PRR12: variants seen among roughly 807,000 people sequenced by gnomAD.
PRR12 encodes proline rich 12, also known as proline-rich protein 12.
A neutral mutation model predicts 138.0 loss-of-function variants in PRR12; 12 were observed. The observed-to-expected ratio is 0.09, with a 90% CI of 0.06 to 0.14. The LOEUF (loss-of-function observed/expected upper bound fraction) is 0.14, where lower values mean the gene tolerates loss of function less well. PRR12 is among the 10% of genes least tolerant of loss of function. The pLI is 1.00. For synonymous variants in PRR12, 1,567 were observed against 1,291.7 expected, an observed-to-expected ratio of 1.21 and a Z score of -4.57; for missense variants, 2,692 against 2,861.3, an observed-to-expected ratio of 0.94 and a Z score of 1.35.
At chr19:49,604,235 G>C (rs2080826981) in intron 6 of PRR12, among the ~76,000 whole-genome samples, 2 of 151,836 alleles carry the variant, frequency 1.3e-5, no homozygotes, top group African/African-American at 4.8e-5. Flanking sequence ...GGGAGTGGTG[G>C]CTCACACCTG....
chr19:49,596,985 C>A lies in PRR12; in HGVS notation c.2650C>A (p.Leu884Ile). Residue 884 changes from leucine to isoleucine, a missense_variant, in exon 4 of 14, where the codon CTC becomes ATC. Physicochemically the swap from Leu to Ile is conservative, Grantham distance 5. This residue lies in a region of PRR12 where 840 missense variants were observed against 689.8 expected (regional missense o/e 1.22). Transcript: ENST00000418929. This position sits in a 1 kb window ranked among gnomAD's most constrained non-coding sequence, Gnocchi z 5.6. Reference sequence around the variant, plus strand: ...TCCGCCAGGCGCCATGCAGGAATTGCTCGGGGCTCTGGAGCCGCTGCCCCC... The same window carrying A: ...TCCGCCAGGCGCCATGCAGGAATTGATCGGGGCTCTGGAGCCGCTGCCCCC... ...LDPPGAMQEL[L>I]GALEPLPPAP... is the part of the protein sequence containing the mutation. 1 of 1,557,736 alleles carries A rather than the reference C, an allele frequency of 6.4e-7. No individual in the cohort carries two copies. Among genetic ancestry groups the A allele is most frequent in the Non-Finnish European group, 8.7e-7 (1 of 1,155,022 alleles).
At chr19:49,602,008 C>T (rs2080814789) in intron 6 of PRR12, 90 bp downstream of exon 6, 1 of 1,473,758 alleles carries the variant, frequency 6.8e-7, no homozygotes, top group Middle Eastern at 2.4e-4. Context: ...TGTGCTGAGA[C>T]CTGCAGATCC....
intron 5 of PRR12, among the ~76,000 whole-genome samples, chr19:49,600,209 G>T (rs577051778): frequency 6.6e-6 from 1 of 152,230 alleles, no homozygotes; most frequent in Admixed American, 6.5e-5. Context: ...AAGTTACAGG[G>T]ACAGGACAGG....
Position 49,595,874 on chromosome 19 carries a change from A to G in PRR12, c.1539A>G (p.Pro513=). The part of the protein sequence containing the change: ...QGQLYGVQGE[P]YPGPAAHSQG... ...AGCTGTATGGGGTGCAGGGCGAGCCATACCCAGGGCCAGCCGCCCACTCCC... is the reference window on the plus strand; with the variant it reads ...AGCTGTATGGGGTGCAGGGCGAGCCGTACCCAGGGCCAGCCGCCCACTCCC... Residue 513 remains proline (P), a synonymous_variant, in exon 4 of 14, where the codon CCA becomes CCG. Transcript: ENST00000418929. 1 of 1,603,602 alleles carries G rather than the reference A, an allele frequency of 6.2e-7. No individual in the cohort carries two copies. Among genetic ancestry groups the G allele is most frequent in the Non-Finnish European group, 8.5e-7 (1 of 1,179,282 alleles).
At chr19:49,607,657 G>C (rs555684079) in intron 6 of PRR12, among the ~76,000 whole-genome samples, 2 of 150,966 alleles carry the variant, frequency 1.3e-5, no homozygotes, top group East Asian at 3.9e-4. Context: ...GCAGTGAGCC[G>C]AGATCGTAGC....
intron 6 of PRR12, among the ~76,000 whole-genome samples, chr19:49,610,125 C>T (rs530086232): frequency 6.6e-6 from 1 of 152,266 alleles, no homozygotes; most frequent in East Asian, 1.9e-4. Context: ...CAGGCGCCTG[C>T]CACCACACCT....
Position 49,597,458 on chromosome 19 carries a change from CCCGCCTCCGCCACCG to C in PRR12, c.3132_3146del (p.Pro1045_Pro1049del), listed in dbSNP as rs1568423502. The C allele has an allele frequency of 8.4e-6, 13 of 1,541,362 alleles. No individual in the cohort carries two copies. The South Asian group carries it at 1.5e-4, about 18-fold the overall frequency. On this transcript the variant is annotated inframe_deletion, in exon 4 of 14. Coordinates refer to ENST00000418929, the MANE Select transcript of PRR12 (RefSeq NM_020719.3). The surrounding 1 kb of genome is among the most constrained non-coding windows in gnomAD (Gnocchi z 6.3). ...GCCCCCACCAGGCGGCGCCACCACCCCCGCCTCCGCCACCGCCGCCTCCCGCGCCGGCCTCCGAAC... is the reference window on the plus strand; with the variant it reads ...GCCCCCACCAGGCGGCGCCACCACCCCCGCCTCCCGCGCCGGCCTCCGAAC...
At chr19:49,607,275 G>C (rs140471287) in intron 6 of PRR12, among the ~76,000 whole-genome samples, 80 of 152,274 alleles carry the variant, frequency 5.3e-4, no homozygotes, top group African/African-American at 1.8e-3. Context: ...GATCACTTGA[G>C]CCCGGATGTC....
Position 49,596,472 on chromosome 19 carries a change from G to C in PRR12, c.2137G>C (p.Gly713Arg). ...VIRTSASLDE[G>R]ATAALELGLG... is the part of the protein sequence containing the mutation. ...CCGCACCAGTGCCAGCCTGGATGAG[G>C]GTGCCACTGCGGCACTGGAGCTGGG... Residue 713 changes from glycine (G) to arginine (R), a missense_variant, in exon 4 of 14, where the codon GGT becomes CGT. Physicochemically the swap from Gly to Arg is moderately radical, Grantham distance 125. Coordinates refer to ENST00000418929, the MANE Select transcript of PRR12 (RefSeq NM_020719.3). This position sits in a 1 kb window ranked among gnomAD's most constrained non-coding sequence, Gnocchi z 5.6. The C allele has an allele frequency of 6.8e-6, 11 of 1,611,178 alleles. No individual in the cohort carries two copies. Among genetic ancestry groups the C allele is most frequent in the Non-Finnish European group, 9.3e-6 (11 of 1,179,362 alleles).
Position 49,599,319 on chromosome 19 carries a change from G to A in PRR12, c.3726G>A (p.Ser1242=), listed in dbSNP as rs753352775. The change falls in exon 5 of 14, where the codon TCG becomes TCA. Residue 1242 remains serine (S), a synonymous_variant. Transcript: ENST00000418929. This position sits in a 1 kb window ranked among gnomAD's most constrained non-coding sequence, Gnocchi z 5.0. The part of the protein sequence containing the change: ...PKAGEGLGTS[S]GDAISGTDHN... ...CTGGCGAGGGTCTGGGAACCTCATC[G>A]GGTGATGCCATATCAGGCACTGACC... 19 of 1,612,668 alleles carry A rather than the reference G, an allele frequency of 1.2e-5. No homozygotes were observed. Among genetic ancestry groups the A allele is most frequent in the African/African-American group, 2.7e-5 (2 of 74,918 alleles).
rs1003576403 is a variant in PRR12, at chr19:49,595,012, C to G, written c.677C>G (p.Pro226Arg). The change falls in exon 4 of 14, where the codon CCT becomes CGT. Residue 226 changes from proline (P) to arginine (R), a missense_variant. Around this residue, in one of 11 missense-constraint regions of PRR12, gnomAD observed 523 missense variants for 496.4 expected, o/e 1.05. Transcript: ENST00000418929. ...GGTCTCGGTCCAGCCCAGACCCCCC[C>G]TTACCGCCCTGGCCCCCCAGACCCA... ...PAGLGPAQTP[P>R]YRPGPPDPPP... 23 of 1,600,352 alleles carry G rather than the reference C, an allele frequency of 1.4e-5. No individual in the cohort carries two copies. Among genetic ancestry groups the G allele is most frequent in the Non-Finnish European group, 2.0e-5 (23 of 1,175,070 alleles).
Position 49,597,435 on chromosome 19 carries a change from C to G in PRR12, c.3100C>G (p.Pro1034Ala). Residue 1034 changes from proline to alanine, a missense_variant, in exon 4 of 14, where the codon CCC becomes GCC. This residue lies in a region of PRR12 where 840 missense variants were observed against 689.8 expected (regional missense o/e 1.22). Coordinates refer to ENST00000418929, the MANE Select transcript of PRR12 (RefSeq NM_020719.3). The surrounding 1 kb of genome is among the most constrained non-coding windows in gnomAD (Gnocchi z 6.3). ...GCCGCTGGGCCTGATCCAGAGTGGCCCCCACCAGGCGGCGCCACCACCCCC... is the reference window on the plus strand; with the variant it reads ...GCCGCTGGGCCTGATCCAGAGTGGCGCCCACCAGGCGGCGCCACCACCCCC... Reference protein sequence around the residue: ...AEPLGLIQSGPHQAAPPPPPP... With the variant: ...AEPLGLIQSGAHQAAPPPPPP... 1 of 1,538,334 alleles carries G rather than the reference C, an allele frequency of 6.5e-7. No homozygotes were observed. The highest frequency in any genetic ancestry group is 1.2e-5 in the South Asian group (1 of 83,958).
chr19:49,601,772 A>G lies in PRR12; in HGVS notation c.4627A>G (p.Thr1543Ala). 2 of 1,600,778 alleles carry G rather than the reference A, an allele frequency of 1.2e-6. No homozygotes were observed. The highest frequency in any genetic ancestry group is 2.2e-5 in the South Asian group (2 of 89,480). The part of the protein sequence containing the change: ...PSPEDPELPD[T>A]RPLHLAKKQE... ...TCCCGAAGACCCCGAGCTGCCGGACACCCGGCCCCTGCATCTGGCCAAAAA... is the reference window on the plus strand; with the variant it reads ...TCCCGAAGACCCCGAGCTGCCGGACGCCCGGCCCCTGCATCTGGCCAAAAA... Residue 1543 changes from threonine (T) to alanine (A), a missense_variant, in exon 6 of 14, where the codon ACC becomes GCC. Physicochemically the swap from Thr to Ala is moderately conservative, Grantham distance 58 (BLOSUM62 0). Transcript: ENST00000418929.
Position 49,597,127 on chromosome 19 carries a change from C to G in PRR12, c.2792C>G (p.Ser931Cys). The G allele has an allele frequency of 6.4e-7, 1 of 1,551,186 alleles. No individual in the cohort carries two copies. Among genetic ancestry groups the G allele is most frequent in the Non-Finnish European group, 8.7e-7 (1 of 1,147,476 alleles). Reference protein sequence around the residue: ...TKAPRFVPLTSICFPDSLLQD... With the variant: ...TKAPRFVPLTCICFPDSLLQD... Reference sequence around the variant, plus strand: ...GCGCCGCGTTTCGTGCCGCTCACCTCCATCTGCTTCCCTGACTCCTTGCTC... The same window carrying G: ...GCGCCGCGTTTCGTGCCGCTCACCTGCATCTGCTTCCCTGACTCCTTGCTC... Residue 931 changes from serine (S) to cysteine (C), a missense_variant, in exon 4 of 14, where the codon TCC becomes TGC. Physicochemically the swap from Ser to Cys is moderately radical, Grantham distance 112. Transcript: ENST00000418929. This position sits in a 1 kb window ranked among gnomAD's most constrained non-coding sequence, Gnocchi z 6.3.
chr19:49,594,266 T>A lies in PRR12; in HGVS notation c.200-188T>A, dbSNP rs981515623. Among the ~76,000 whole-genome samples, 1 of 152,014 alleles carries A rather than the reference T, an allele frequency of 6.6e-6. No individual in the cohort carries two copies. Among genetic ancestry groups the A allele is most frequent in the African/African-American group, 2.4e-5 (1 of 41,396 alleles). On this transcript the variant is annotated intron_variant, in intron 2 of 13. Coordinates refer to ENST00000418929, the MANE Select transcript of PRR12 (RefSeq NM_020719.3). This position sits in a 1 kb window ranked among gnomAD's most constrained non-coding sequence, Gnocchi z 5.6. ...CCTTGTCTTGCTTTACTGTCTCACC[T>A]TTCCCCCTTCCCTCCCCTCATTCAT...
intron 1 of PRR12, among the ~76,000 whole-genome samples, chr19:49,592,564 TC>T (rs1457028259): frequency 1.3e-5 from 2 of 151,448 alleles, no homozygotes; most frequent in African/African-American, 2.4e-5. Flanking sequence ...CCCCAGCACC[TC>T]CCCCCCAACA....
chr19:49,619,640 C>G (rs929990383), intron 9 of PRR12, among the ~76,000 whole-genome samples: 12 of 144,848 alleles, frequency 8.3e-5, no homozygotes, highest in South Asian at 6.7e-4. Flanking sequence ...CTCCCAGGTT[C>G]AAGGGATTCT....
chr19:49,622,908 C>T lies in PRR12; in HGVS notation c.5721+1286C>T, dbSNP rs1160108934. On this transcript the variant is annotated intron_variant, in intron 11 of 13. Transcript: ENST00000418929. ...CTCTGTCTCAAAAAAAAAACAAAAA[C>T]ATATATATATATATATATATAGAGA... Among the ~76,000 whole-genome samples, 3 of 97,222 alleles carry T rather than the reference C, an allele frequency of 3.1e-5. No individual in the cohort carries two copies. In the East Asian group the frequency reaches 8.2e-4, roughly 27 times the overall value. The allele number at this position is 97,222 out of a possible 152,430, so 63.8% of individuals were successfully genotyped here. A position where few individuals can be genotyped will look rare whatever the true frequency, so the allele number is the denominator to read the frequency against.
In PRR12 at chr19:49,594,380, G is replaced by T; in HGVS notation, c.200-74G>T. The T allele has an allele frequency of 2.1e-6, 3 of 1,416,308 alleles. No homozygotes were observed. The highest frequency in any genetic ancestry group is 1.4e-5 in the South Asian group (1 of 69,854). 87.7% of individuals were successfully genotyped at this position (1,416,308 alleles called of 1,614,324 possible). ...CTTTTCCTGATCCAACTTGCTTTTG[G>T]CCTCTTCCCTTTCTCTCTTGACTGT... On this transcript the variant is annotated intron_variant, in intron 2 of 13. Coordinates refer to ENST00000418929, the MANE Select transcript of PRR12 (RefSeq NM_020719.3). The surrounding 1 kb of genome is among the most constrained non-coding windows in gnomAD (Gnocchi z 5.6).
Sources: allele counts gnomAD v4.1 joint callset (sites outside exome capture counted in the v4.1 genomes callset), GRCh38; gene constraint gnomAD v4.1.1; regional missense constraint gnomAD v4.1.1; non-coding constraint Gnocchi (gnomAD v3.1); transcripts MANE v1.5; gene names NCBI Gene and HGNC (gene_info 2026-07-23, HGNC 2026-07-21).